The following CFAP20DC variants were observed in gnomAD, a reference collection of about 807,000 sequenced individuals.
CFAP20DC encodes the protein protein CFAP20DC.
CFAP20DC carries 84 observed loss-of-function variants against 101.7 expected under a neutral mutation model. The ratio of observed to expected loss-of-function variants is 0.83; its 90% CI spans 0.69 to 0.99. CFAP20DC has a LOEUF of 0.99. Among genes scored for constraint, CFAP20DC ranks in the 50% least tolerant of loss-of-function variants. The pLI is 0.00. For missense variants in CFAP20DC, 1,007 were observed against 970.3 expected, an observed-to-expected ratio of 1.04 and a Z score of -0.50; for synonymous variants, 359 against 351.2, an observed-to-expected ratio of 1.02 and a Z score of -0.25.
rs181787974 is a variant in CFAP20DC at position 58,896,679 on chromosome 3, G to T, written c.551-11970C>A. 5.1e-4 allele frequency among the ~76,000 whole-genome samples: 77 copies of T among 152,250 alleles called. 1 individual carries two copies. The highest frequency in any genetic ancestry group is 1.8e-3 in the African/African-American group (76 of 41,526). The stretch of plus-strand genomic sequence containing the variant: ...CAGGATCCGGTTGTTCAATTTCCAA[G>T]TACTTGTGTAGTTTTGAGTGAATTT... On this transcript the variant is annotated intron_variant, in intron 6 of 16. Transcript: ENST00000482387.
At chr3:58,986,707 C>T (rs569042553) in intron 4 of CFAP20DC, among the ~76,000 whole-genome samples, 7 of 152,158 alleles carry the variant, frequency 4.6e-5, no homozygotes, top group African/African-American at 1.7e-4. Flanking sequence ...TTTAAAAACT[C>T]GTTCTATGTC....
intron 14 of CFAP20DC, among the ~76,000 whole-genome samples, chr3:58,823,272 G>T (rs567574204): frequency 1.5e-4 from 23 of 152,196 alleles, no homozygotes; most frequent in African/African-American, 5.5e-4. Context: ...CCTACAATAT[G>T]CTTATAAACA....
At chr3:58,783,758 C>G (rs1050427983) in intron 15 of CFAP20DC, among the ~76,000 whole-genome samples, 1 of 152,000 alleles carries the variant, frequency 6.6e-6, no homozygotes, top group Non-Finnish European at 1.5e-5. Flanking sequence ...CGTCTGACCC[C>G]AGTCAGAATG....
chr3:58,849,021 G>A lies in CFAP20DC; in HGVS notation c.1971+11C>T. ...TTGCCGGCATCTGTAAACCACACGG[G>A]AACCACTTACAGATGCTTCGGGGAT... On this transcript the variant is annotated intron_variant, in intron 13 of 16. Coordinates refer to ENST00000482387, the MANE Select transcript of CFAP20DC (RefSeq NM_001394063.1). 1 of 1,533,164 alleles carries A rather than the reference G, an allele frequency of 6.5e-7. No homozygotes were observed. Among genetic ancestry groups the A allele is most frequent in the African/African-American group, 1.4e-5 (1 of 73,000 alleles). 95.0% of individuals were successfully genotyped at this position (1,533,164 alleles called of 1,614,324 possible). A position where few individuals can be genotyped will look rare whatever the true frequency, so the allele number is the denominator to read the frequency against.
At chr3:58,992,377 T>C (rs1294156657) in intron 4 of CFAP20DC, 4 of 155,934 alleles carry the variant, frequency 2.6e-5, no homozygotes, top group Non-Finnish European at 5.6e-5. Context: ...GACAGGGTGA[T>C]TGGGGTTGTC....
intron 5 of CFAP20DC, among the ~76,000 whole-genome samples, chr3:58,918,241 G>T (rs1344539245): frequency 6.6e-6 from 1 of 152,098 alleles, no homozygotes; most frequent in East Asian, 1.9e-4. Flanking sequence ...CCAAGGGGCT[G>T]GGAGGCAGTG....
intron 12 of CFAP20DC, among the ~76,000 whole-genome samples, chr3:58,854,646 C>G (rs914204685): frequency 1.3e-4 from 20 of 151,856 alleles, no homozygotes; most frequent in Non-Finnish European, 1.8e-4. Context: ...AGATATAGAT[C>G]AATGGAACAG....
intron 13 of CFAP20DC, among the ~76,000 whole-genome samples, chr3:58,844,195 TC>T (rs2077409376): frequency 1.5e-5 from 2 of 133,482 alleles, no homozygotes; most frequent in Non-Finnish European, 3.1e-5. Context: ...GACTAAATGC[TC>T]CAATTAAAAG....
At chr3:58,769,491 C>T (rs565535062) in intron 15 of CFAP20DC, among the ~76,000 whole-genome samples, 3 of 152,096 alleles carry the variant, frequency 2.0e-5, no homozygotes, top group Admixed American at 1.3e-4. Flanking sequence ...TGAATGAATG[C>T]TCTCAGGAGG....
At chr3:58,727,409 TC>T (rs1239166844) in intron 3 of CFAP20DC, 1 of 152,302 alleles carries the variant, frequency 6.6e-6, no homozygotes, top group Non-Finnish European at 1.5e-5. Flanking sequence ...CTGATCAGCT[TC>T]ATGTGCCCAC....
intron 14 of CFAP20DC, among the ~76,000 whole-genome samples, chr3:58,818,994 A>G (rs928449130): frequency 4.0e-5 from 6 of 151,180 alleles, no homozygotes; most frequent in African/African-American, 1.5e-4. Context: ...ATCTCACTCA[A>G]ACCCGCTCAA....
intron 15 of CFAP20DC, among the ~76,000 whole-genome samples, chr3:58,791,493 T>C (rs541172785): frequency 6.6e-6 from 1 of 152,186 alleles, no homozygotes; most frequent in Non-Finnish European, 1.5e-5. Flanking sequence ...TGAAACCCCT[T>C]ATTCTACTAT....
chr3:59,039,289 A>C (rs1233342764), intron 4 of CFAP20DC, among the ~76,000 whole-genome samples: 1 of 152,064 alleles, frequency 6.6e-6, no homozygotes, highest in African/African-American at 2.4e-5. Context: ...TATTTCTTCA[A>C]GTTATAGGTC....
intron 3 of CFAP20DC, among the ~76,000 whole-genome samples, chr3:58,719,563 C>T (rs1376444395): frequency 1.3e-5 from 2 of 152,150 alleles, no homozygotes. Flanking sequence ...TTTAAGTGTC[C>T]TTTTGGGAAA....
intron 13 of CFAP20DC, 22 bp downstream of exon 13, chr3:58,849,010 A>G (rs76336527): frequency 6.5e-7 from 1 of 1,529,864 alleles, no homozygotes; most frequent in Admixed American, 2.0e-5. Context: ...CGGCATCTGT[A>G]AACCACACGG....
At chr3:58,984,456 C>A (rs1438299453) in intron 4 of CFAP20DC, among the ~76,000 whole-genome samples, 2 of 152,164 alleles carry the variant, frequency 1.3e-5, no homozygotes, top group Non-Finnish European at 2.9e-5. Flanking sequence ...ATGCAACGAG[C>A]AGAATCATCA....
intron 12 of CFAP20DC, among the ~76,000 whole-genome samples, chr3:58,855,300 C>G (rs928541037): frequency 2.0e-5 from 3 of 152,124 alleles, no homozygotes; most frequent in African/African-American, 7.2e-5. Flanking sequence ...CCATCTCACC[C>G]CAGTTAGAAT....
At chr3:59,004,905 T>A (rs1366601096) in intron 4 of CFAP20DC, among the ~76,000 whole-genome samples, 1 of 152,170 alleles carries the variant, frequency 6.6e-6, no homozygotes, top group Non-Finnish European at 1.5e-5. Context: ...AGAAAGTACC[T>A]TATAACAATG....
chr3:58,936,853 G>C (rs1214203934), intron 5 of CFAP20DC, among the ~76,000 whole-genome samples: 1 of 151,594 alleles, frequency 6.6e-6, no homozygotes, highest in African/African-American at 2.4e-5. Flanking sequence ...CAGCACACCA[G>C]CATGGCACAT....
Sources: gnomAD v4.1 joint callset for allele counts (sites outside exome capture counted in the v4.1 genomes callset) on GRCh38, gnomAD v4.1.1 for gene constraint, MANE v1.5 for transcripts, NCBI Gene and HGNC (gene_info 2026-07-23, HGNC 2026-07-21) for gene names.